Variants in CELF4 observed in about 807,000 individuals in gnomAD.
CELF4 encodes the protein CUG-BP- and ETR-3-like factor 4.
Under a neutral mutation model 59.9 loss-of-function variants are expected in CELF4, and 18 were observed. The ratio of observed to expected loss-of-function variants is 0.30; its 90% CI spans 0.21 to 0.45. The LOEUF (loss-of-function observed/expected upper bound fraction) is 0.45, where lower values mean the gene tolerates loss of function less well. Ranked by LOEUF, CELF4 falls within the 20% of genes least tolerant of loss-of-function variation. The probability of loss-of-function intolerance (pLI) is 1.00; values close to 1 mark genes in which losing one functional copy is unlikely to be tolerated. For synonymous variants in CELF4, 261 were observed against 267.1 expected (o/e 0.98, Z 0.22); for missense variants, 456 against 689.0 (o/e 0.66, Z 3.79).
intron 2 of CELF4, among the ~76,000 whole-genome samples, chr18:37,367,505 T>A (rs2098800135): frequency 6.6e-6 from 1 of 151,922 alleles, no homozygotes; most frequent in South Asian, 2.1e-4. Flanking sequence ...GCCTTTCTTG[T>A]CCTGCATAAG....
intron 1 of CELF4, among the ~76,000 whole-genome samples, chr18:37,508,153 T>C (rs938116619): frequency 4.6e-5 from 7 of 152,202 alleles, no homozygotes; most frequent in African/African-American, 1.4e-4. Context: ...GGCTGAAGTC[T>C]GATACTGAGT....
intron 3 of CELF4, among the ~76,000 whole-genome samples, chr18:37,319,751 T>G (rs1484322817): frequency 1.3e-5 from 2 of 152,214 alleles, no homozygotes; most frequent in Non-Finnish European, 2.9e-5. Context: ...GGAGAGAAAT[T>G]CCTCGGTTCC....
intron 1 of CELF4, among the ~76,000 whole-genome samples, chr18:37,531,662 T>G (rs1021650536): frequency 6.6e-6 from 1 of 152,092 alleles, no homozygotes; most frequent in African/African-American, 2.4e-5. Context: ...GAACCAATAG[T>G]GTCTTTGGAG....
In CELF4 at chr18:37,274,293, G is replaced by T. The variant is rs769550192; in HGVS notation, c.801+18C>A. The T allele has an allele frequency of 1.3e-5, 21 of 1,608,878 alleles. No homozygotes were observed. The South Asian group carries it at 2.1e-4, about 16-fold the overall frequency. On this transcript the variant is annotated intron_variant, in intron 6 of 12. Coordinates refer to ENST00000420428, the MANE Select transcript of CELF4 (RefSeq NM_020180.4). ...GGAGTGAGCTTGAGAACCGCTGCCC[G>T]TGCGCGCTGCCACTTACTGCCTGAG...
At chr18:37,375,554 C>T (rs1019290748) in intron 2 of CELF4, among the ~76,000 whole-genome samples, 2 of 152,196 alleles carry the variant, frequency 1.3e-5, no homozygotes, top group African/African-American at 2.4e-5. Context: ...CTTACTTAAC[C>T]CTCCCCACCC....
intron 2 of CELF4, chr18:37,473,392 C>T (rs2099839574): frequency 6.6e-6 from 1 of 152,228 alleles, no homozygotes; most frequent in Non-Finnish European, 1.5e-5. Flanking sequence ...TGATGTGGCA[C>T]AGCTGTCTGC....
chr18:37,499,417 A>G (rs2099928921), intron 1 of CELF4, among the ~76,000 whole-genome samples: 1 of 152,168 alleles, frequency 6.6e-6, no homozygotes, highest in South Asian at 2.1e-4. Flanking sequence ...GGCGTTGCAG[A>G]CAAGGTTTAC....
At chr18:37,281,940 G>A (rs2154383767) in intron 3 of CELF4, among the ~76,000 whole-genome samples, 1 of 152,288 alleles carries the variant, frequency 6.6e-6, no homozygotes, top group South Asian at 2.1e-4. Flanking sequence ...GCAAGGGACA[G>A]GGAGACACAC....
intron 11 of CELF4, chr18:37,258,913 T>C (rs887214974): frequency 5.7e-6 from 3 of 530,286 alleles, no homozygotes; most frequent in Non-Finnish European, 1.0e-5. Flanking sequence ...GAGTGGGAGA[T>C]GGGGAGCCAG....
At chr18:37,301,453 A>G (rs1319319374) in intron 3 of CELF4, among the ~76,000 whole-genome samples, 1 of 152,168 alleles carries the variant, frequency 6.6e-6, no homozygotes, top group East Asian at 1.9e-4. Context: ...CAGCCCCAGA[A>G]GTAGCCCTCC....
chr18:37,367,994 T>TGC (rs2098809010), intron 2 of CELF4, among the ~76,000 whole-genome samples: 1 of 151,848 alleles, frequency 6.6e-6, no homozygotes, highest in Admixed American at 6.6e-5. Context: ...GGCGGCATGG[T>TGC]GCGGTGCAGC....
chr18:37,264,691 GGGATCATTGGA>G lies in CELF4; in HGVS notation c.1221_1231del (p.Met409AlafsTer10). The stretch of plus-strand genomic sequence containing the variant: ...AGACTCACCTTCTCTCTGCTGCTGG[GGGATCATTGGA>G]GGCGGCTGAGGAAAGGCCTGGCTTA... On this transcript the variant is annotated frameshift_variant, in exon 10 of 13. Coordinates refer to ENST00000420428, the MANE Select transcript of CELF4 (RefSeq NM_020180.4). LOFTEE classifies it high-confidence loss of function. 6.3e-7 allele frequency: 1 copy of G among 1,578,066 alleles called. No individual in the cohort carries two copies. The highest frequency in any genetic ancestry group is 8.6e-7 in the Non-Finnish European group (1 of 1,161,042).
chr18:37,349,075 C>T (rs1356413527), intron 2 of CELF4, among the ~76,000 whole-genome samples: 1 of 152,194 alleles, frequency 6.6e-6, no homozygotes, highest in Non-Finnish European at 1.5e-5. Context: ...TCCATGGGGC[C>T]TGGAGAGAGC....
chr18:37,488,496 T>C (rs4799933), intron 1 of CELF4, among the ~76,000 whole-genome samples: 124,111 of 152,098 alleles, frequency 0.82, 50,900 homozygotes, highest in East Asian at 1. Flanking sequence ...TGAGAGCTGT[T>C]CAAGATCTGT....
intron 2 of CELF4, among the ~76,000 whole-genome samples, chr18:37,384,968 C>T (rs1479407963): frequency 6.6e-6 from 1 of 152,184 alleles, no homozygotes; most frequent in Non-Finnish European, 1.5e-5. Context: ...TGGGTCAGTC[C>T]TCATTCCAAG....
intron 2 of CELF4, among the ~76,000 whole-genome samples, chr18:37,455,585 C>T (rs1189644194): frequency 4.6e-5 from 7 of 152,200 alleles, no homozygotes; most frequent in African/African-American, 1.4e-4. Context: ...CAGAGTGCCT[C>T]TGCCCCAGCC....
Position 37,253,724 on chromosome 18 carries a change from C to A in CELF4, c.*44+43G>T. ...GAGGAGGCGGCGGGTCCGTCTGGTTCCCTCCCAACCCCCGTCCCCGCGCCC... is the reference window on the plus strand; with the variant it reads ...GAGGAGGCGGCGGGTCCGTCTGGTTACCTCCCAACCCCCGTCCCCGCGCCC... On this transcript the variant is annotated intron_variant, in intron 12 of 12. Transcript: ENST00000420428. The surrounding 1 kb of genome is among the most constrained non-coding windows in gnomAD (Gnocchi z 4.5). 6.9e-7 allele frequency: 1 copy of A among 1,459,156 alleles called. No individual in the cohort carries two copies. The allele number at this position is 1,459,156 out of a possible 1,614,324, so 90.4% of individuals were successfully genotyped here.
intron 1 of CELF4, among the ~76,000 whole-genome samples, chr18:37,518,275 C>A (rs2099953180): frequency 6.6e-6 from 1 of 152,140 alleles, no homozygotes; most frequent in African/African-American, 2.4e-5. Context: ...AGTTTCAGCC[C>A]TTATTGGATT....
chr18:37,307,317 A>G (rs1241010611), intron 3 of CELF4, among the ~76,000 whole-genome samples: 1 of 152,184 alleles, frequency 6.6e-6, no homozygotes, highest in Non-Finnish European at 1.5e-5. Flanking sequence ...TCTGTGATGA[A>G]TGGAGCCTGT....
Sources: allele counts gnomAD v4.1 joint callset (sites outside exome capture counted in the v4.1 genomes callset), GRCh38; gene constraint gnomAD v4.1.1; non-coding constraint Gnocchi (gnomAD v3.1); transcripts MANE v1.5; gene names NCBI Gene and HGNC (gene_info 2026-07-23, HGNC 2026-07-21).